FARP1: variants seen among roughly 807,000 people sequenced by gnomAD.
FARP1 encodes FERM, ARH/RhoGEF and pleckstrin domain protein 1.
Under a neutral mutation model 128.8 loss-of-function variants are expected in FARP1, and 52 were observed. The observed-to-expected ratio is 0.40, with a 90% CI of 0.32 to 0.51. FARP1 has a LOEUF of 0.51. FARP1 is among the 20% of genes least tolerant of loss of function. FARP1 has a pLI of 0.45. For missense variants in FARP1, 1,333 were observed against 1,367.9 expected (o/e 0.97, Z 0.40); for synonymous variants, 580 against 551.8 (o/e 1.05, Z -0.72).
rs137894237 is a variant in FARP1, at chr13:98,436,847, C to T, written c.2274+1141C>T. ...CTGTGGAATCGATGTAATTTTCTCT[C>T]AGCTTTGAAAGTTATAAAATATTTA... On this transcript the variant is annotated intron_variant, in intron 19 of 26. Transcript: ENST00000319562. 3.8e-4 allele frequency among the ~76,000 whole-genome samples: 58 copies of T among 152,344 alleles called. 1 individual carries two copies. The East Asian group carries it at 0.01, about 27-fold the overall frequency.
chr13:98,253,217 A>T (rs1883429871), intron 2 of FARP1, among the ~76,000 whole-genome samples: 1 of 152,212 alleles, frequency 6.6e-6, no homozygotes, highest in Non-Finnish European at 1.5e-5. Context: ...GCATTAAGGA[A>T]TGCTGTTAAA....
chr13:98,357,273 T>G (rs543354429), intron 3 of FARP1, among the ~76,000 whole-genome samples: 1 of 152,364 alleles, frequency 6.6e-6, no homozygotes, highest in South Asian at 2.1e-4. Context: ...TTTGTTCCTT[T>G]TATCTGCCTT....
intron 1 of FARP1, among the ~76,000 whole-genome samples, chr13:98,167,652 C>T (rs1877364927): frequency 6.6e-6 from 1 of 151,692 alleles, no homozygotes; most frequent in Non-Finnish European, 1.5e-5. Flanking sequence ...TCAAATGATC[C>T]GCCCGCCTCA....
At chr13:98,426,552 G>A (rs1006530939) in intron 17 of FARP1, among the ~76,000 whole-genome samples, 5 of 152,128 alleles carry the variant, frequency 3.3e-5, no homozygotes, top group African/African-American at 4.8e-5. Context: ...GAGGATGGTC[G>A]GTGAGTAGCA....
At chr13:98,350,940 G>A (rs570641656) in intron 3 of FARP1, among the ~76,000 whole-genome samples, 2 of 151,952 alleles carry the variant, frequency 1.3e-5, no homozygotes, top group Non-Finnish European at 2.9e-5. Flanking sequence ...ACACCCCAGA[G>A]CCCACGGAAA....
chr13:98,149,980 G>T (rs183770942), intron 1 of FARP1, among the ~76,000 whole-genome samples: 1 of 151,300 alleles, frequency 6.6e-6, no homozygotes, highest in African/African-American at 2.4e-5. Context: ...CTTGTGATCC[G>T]CCTGCCTAGG....
chr13:98,319,859 T>A (rs961552895), intron 2 of FARP1, among the ~76,000 whole-genome samples: 2 of 146,940 alleles, frequency 1.4e-5, no homozygotes, highest in African/African-American at 5.3e-5. Context: ...AACAACAGAC[T>A]TTTTTTTTTC....
intron 1 of FARP1, among the ~76,000 whole-genome samples, chr13:98,178,934 C>T (rs768639327): frequency 6.6e-6 from 1 of 152,200 alleles, no homozygotes; most frequent in East Asian, 1.9e-4. Context: ...GTTTATACTT[C>T]AGAGTGAGGT....
intron 3 of FARP1, among the ~76,000 whole-genome samples, chr13:98,359,908 G>A (rs1327389193): frequency 6.6e-6 from 1 of 152,134 alleles, no homozygotes; most frequent in African/African-American, 2.4e-5. Context: ...GAGACAAATC[G>A]GATTGGAGGA....
upstream of FARP1, chr13:98,142,701 G>C (rs1295068289): frequency 6.6e-6 from 1 of 152,516 alleles, no homozygotes; most frequent in Non-Finnish European, 1.5e-5. Context: ...CTCAAAAAGC[G>C]ACCTGCAGAG....
intron 2 of FARP1, among the ~76,000 whole-genome samples, chr13:98,308,000 G>T (rs1193102464): frequency 2.0e-5 from 1 of 49,716 alleles, no homozygotes. Flanking sequence ...GGCCTGGACT[G>T]CCTGCCCCCC....
chr13:98,409,237 G>C, intron 13 of FARP1, 101 bp from the exon 14 acceptor site: 1 of 959,098 alleles, frequency 1.0e-6, no homozygotes, highest in East Asian at 2.7e-5. Context: ...TGGCGGGGTA[G>C]TCAAATCTTA....
chr13:98,398,230 C>T (rs1212672380), intron 13 of FARP1: 1 of 152,160 alleles, frequency 6.6e-6, no homozygotes, highest in Non-Finnish European at 1.5e-5. Flanking sequence ...TTTTGTTTTC[C>T]TAATCATTTG....
Position 98,448,575 on chromosome 13 carries a change from C to G in FARP1, c.*258C>G. ...TGCCAGTATTAAAACATTGTCATTACGAGAGTGCCAAATGACATCTTCCCT... is the reference window on the plus strand; with the variant it reads ...TGCCAGTATTAAAACATTGTCATTAGGAGAGTGCCAAATGACATCTTCCCT... On this transcript the variant is annotated 3_prime_UTR_variant, in exon 27 of 27. Transcript: ENST00000319562. The G allele has an allele frequency of 4.4e-6, 2 of 449,898 alleles. No individual in the cohort carries two copies. The highest frequency in any genetic ancestry group is 8.0e-6 in the Non-Finnish European group (2 of 250,644). The allele number at this position is 449,898 out of a possible 1,614,324, so 27.9% of individuals were successfully genotyped here. A position where few individuals can be genotyped will look rare whatever the true frequency, so the allele number is the denominator to read the frequency against.
chr13:98,413,697 C>T (rs1242311688), intron 16 of FARP1, among the ~76,000 whole-genome samples: 1 of 152,132 alleles, frequency 6.6e-6, no homozygotes, highest in Non-Finnish European at 1.5e-5. Context: ...TGTAACTTTA[C>T]CTTCCCCAGG....
chr13:98,185,980 G>T (rs1878839753), intron 1 of FARP1, among the ~76,000 whole-genome samples: 1 of 152,208 alleles, frequency 6.6e-6, no homozygotes, highest in African/African-American at 2.4e-5. Context: ...TTATAGGCGT[G>T]AGCCACCGCG....
chr13:98,232,547 G>A (rs1882193353), intron 2 of FARP1, among the ~76,000 whole-genome samples: 1 of 152,202 alleles, frequency 6.6e-6, no homozygotes, highest in Non-Finnish European at 1.5e-5. Flanking sequence ...TTTTCCAACA[G>A]CATGTGCTTA....
chr13:98,442,448 C>T (rs1164276732), intron 24 of FARP1, among the ~76,000 whole-genome samples: 1 of 152,230 alleles, frequency 6.6e-6, no homozygotes, highest in Non-Finnish European at 1.5e-5. Flanking sequence ...GGGACACATC[C>T]GAGGTGCAGG....
chr13:98,365,894 G>GGTGTGTGTGTGTGTGTGT (rs55871546), intron 4 of FARP1, among the ~76,000 whole-genome samples: 24 of 148,376 alleles, frequency 1.6e-4, no homozygotes, highest in East Asian at 9.9e-4. Context: ...GTGTGTATGT[G>GGTGTGTGTGTGTGTGTGT]GTGTGTGTGT....
Sources: allele counts gnomAD v4.1 joint callset (sites outside exome capture counted in the v4.1 genomes callset), GRCh38; gene constraint gnomAD v4.1.1; transcripts MANE v1.5; gene names NCBI Gene and HGNC (gene_info 2026-07-23, HGNC 2026-07-21).